KCNAB1: variants seen among roughly 807,000 people sequenced by gnomAD.
The protein encoded by KCNAB1 is potassium voltage-gated channel subfamily A regulatory beta subunit 1, also known as voltage-gated potassium channel subunit beta-1.
KCNAB1 carries 35 observed loss-of-function variants against 64.6 expected under a neutral mutation model. That is an observed-to-expected ratio of 0.54 (90% confidence interval 0.41 to 0.72). The LOEUF (loss-of-function observed/expected upper bound fraction) is 0.72. Ranked by LOEUF, KCNAB1 falls within the 30% of genes least tolerant of loss-of-function variation. The pLI, the probability that KCNAB1 is intolerant of heterozygous loss-of-function variation, is 0.00. For synonymous variants in KCNAB1, 177 were observed against 183.8 expected (o/e 0.96, Z 0.30); for missense variants, 401 against 512.9 (o/e 0.78, Z 2.11).
intron 1 of KCNAB1, among the ~76,000 whole-genome samples, chr3:156,170,216 G>T: frequency 6.6e-6 from 1 of 150,642 alleles, no homozygotes; most frequent in African/African-American, 2.4e-5. Context: ...CCTTCCCAAG[G>T]AATCGTTTTT....
intron 1 of KCNAB1, among the ~76,000 whole-genome samples, chr3:156,197,096 G>T (rs2108370814): frequency 6.6e-6 from 1 of 152,262 alleles, no homozygotes; most frequent in South Asian, 2.1e-4. Context: ...TTATGTGATG[G>T]ATTAAGTTTA....
chr3:156,338,794 TCTC>T (rs1723907419), intron 1 of KCNAB1, among the ~76,000 whole-genome samples: 1 of 152,124 alleles, frequency 6.6e-6, no homozygotes. Context: ...GAGAGAGCAT[TCTC>T]CTCCTTGCTC....
In KCNAB1 at chr3:156,309,307, T is replaced by C. The variant is rs780628874; in HGVS notation, c.276-112309T>C. ...AAACTAATATTGTGTATCATGTAGA[T>C]ACAGCTTTATTAGCCTGAATGAAGC... On this transcript the variant is annotated intron_variant, in intron 1 of 13. Transcript: ENST00000490337. 2.4e-4 allele frequency among the ~76,000 whole-genome samples: 36 copies of C among 152,256 alleles called. 1 individual carries two copies. Among genetic ancestry groups the C allele is most frequent in the Non-Finnish European group, 4.4e-4 (30 of 68,044 alleles).
intron 1 of KCNAB1, among the ~76,000 whole-genome samples, chr3:156,341,651 T>C (rs1724123775): frequency 6.6e-6 from 1 of 152,218 alleles, no homozygotes; most frequent in African/African-American, 2.4e-5. Flanking sequence ...ATCAAATTTT[T>C]ATTCTGCTAC....
At chr3:156,380,097 A>G (rs1447039182) in intron 1 of KCNAB1, among the ~76,000 whole-genome samples, 1 of 152,172 alleles carries the variant, frequency 6.6e-6, no homozygotes, top group Non-Finnish European at 1.5e-5. Context: ...GCTACTGAAC[A>G]GTCACATTGC....
Position 156,209,962 on chromosome 3 carries a change from C to A in KCNAB1, c.275+89076C>A, listed in dbSNP as rs554773842. 1.1e-4 allele frequency among the ~76,000 whole-genome samples: 16 copies of A among 152,324 alleles called. No homozygotes were observed. In the South Asian group the frequency reaches 2.1e-3, roughly 20 times the overall value. On this transcript the variant is annotated intron_variant, in intron 1 of 13. Coordinates refer to ENST00000490337, the MANE Select transcript of KCNAB1 (RefSeq NM_172160.3). ...AGAGACAATTTCTTGAAAAAAAGAT[C>A]TTTAAACTGTTAGCTTGATATTAAT...
intron 12 of KCNAB1, among the ~76,000 whole-genome samples, chr3:156,530,369 T>C (rs967914229): frequency 2.6e-5 from 4 of 152,114 alleles, no homozygotes; most frequent in Non-Finnish European, 5.9e-5. Context: ...AATATTCCAA[T>C]GGAGGGACTT....
At chr3:156,178,444 G>A (rs192104972) in intron 1 of KCNAB1, among the ~76,000 whole-genome samples, 42 of 152,302 alleles carry the variant, frequency 2.8e-4, no homozygotes, top group Admixed American at 1.0e-3. Context: ...GATGTAGCAC[G>A]ACAGAGATGC....
chr3:156,210,234 C>T (rs1197767292), intron 1 of KCNAB1, among the ~76,000 whole-genome samples: 2 of 152,110 alleles, frequency 1.3e-5, no homozygotes, highest in Non-Finnish European at 2.9e-5. Context: ...GAGAACTTGG[C>T]CCTGCTCTAT....
In KCNAB1 at chr3:156,283,941, C is replaced by T. The variant is rs1276499060; in HGVS notation, c.276-137675C>T. ...CTCCCGTAGCTCAGAGTAATTTGAT[C>T]GTCTGAAGCCTTCTTCTCTCAGCTC... On this transcript the variant is annotated intron_variant, in intron 1 of 13. Transcript: ENST00000490337. Among the ~76,000 whole-genome samples the T allele has an allele frequency of 6.6e-5, 10 of 151,334 alleles. No homozygotes were observed. In the South Asian group the frequency reaches 1.5e-3, roughly 22 times the overall value.
intron 1 of KCNAB1, among the ~76,000 whole-genome samples, chr3:156,312,469 C>T (rs927141739): frequency 2.0e-5 from 3 of 152,100 alleles, no homozygotes; most frequent in Non-Finnish European, 4.4e-5. Flanking sequence ...ACCAGCACTT[C>T]GGGAGGCCGA....
intron 1 of KCNAB1, among the ~76,000 whole-genome samples, chr3:156,338,735 T>G (rs991615805): frequency 5.3e-5 from 8 of 152,306 alleles, no homozygotes; most frequent in East Asian, 1.9e-4. Flanking sequence ...CAGGTTCCAG[T>G]TCCCATGATT....
chr3:156,325,980 C>T (rs1352777445), intron 1 of KCNAB1, among the ~76,000 whole-genome samples: 2 of 152,048 alleles, frequency 1.3e-5, no homozygotes, highest in Non-Finnish European at 2.9e-5. Context: ...AGGAATCTTA[C>T]AGGACTCCAA....
chr3:156,352,492 A>G (rs1324268613), intron 1 of KCNAB1, among the ~76,000 whole-genome samples: 2 of 152,214 alleles, frequency 1.3e-5, no homozygotes, highest in African/African-American at 4.8e-5. Context: ...CAGAGCTCAC[A>G]CAGTTGAAAA....
chr3:156,481,393 T>A (rs1714783858), intron 8 of KCNAB1, among the ~76,000 whole-genome samples: 1 of 143,632 alleles, frequency 7.0e-6, no homozygotes, highest in Non-Finnish European at 1.5e-5. Flanking sequence ...TCCAAGAAGA[T>A]GAGCCAAACC....
intron 1 of KCNAB1, among the ~76,000 whole-genome samples, chr3:156,245,778 G>C (rs1226091466): frequency 6.6e-6 from 1 of 152,112 alleles, no homozygotes; most frequent in Non-Finnish European, 1.5e-5. Context: ...CAGCTAACAA[G>C]GCTCTTTGTT....
At chr3:156,403,559 G>T (rs1422292896) in intron 1 of KCNAB1, among the ~76,000 whole-genome samples, 2 of 152,002 alleles carry the variant, frequency 1.3e-5, no homozygotes, top group Non-Finnish European at 2.9e-5. Context: ...ACTTGATGAG[G>T]GTGACCATAT....
chr3:156,440,679 A>G (rs928078215), intron 2 of KCNAB1, among the ~76,000 whole-genome samples: 1 of 152,284 alleles, frequency 6.6e-6, no homozygotes, highest in Non-Finnish European at 1.5e-5. Context: ...ATCTATGCAT[A>G]GTCCTATGGG....
intron 1 of KCNAB1, among the ~76,000 whole-genome samples, chr3:156,261,592 A>G (rs190130813): frequency 6.6e-6 from 1 of 152,158 alleles, no homozygotes; most frequent in East Asian, 1.9e-4. Context: ...GTTCTCTCCT[A>G]TTAATCTATA....
Sources: allele counts gnomAD v4.1 joint callset (sites outside exome capture counted in the v4.1 genomes callset), GRCh38; gene constraint gnomAD v4.1.1; transcripts MANE v1.5; gene names NCBI Gene and HGNC (gene_info 2026-07-23, HGNC 2026-07-21).